GID4: variants seen among roughly 807,000 people sequenced by gnomAD.
GID4 encodes glucose-induced degradation protein 4 homolog.
In GID4, 7 loss-of-function variants were observed where a neutral mutation model predicts 32.4. The observed-to-expected ratio is 0.22, with a 90% CI of 0.12 to 0.41. The LOEUF is 0.41. GID4 is among the 10% of genes least tolerant of loss of function. GID4 has a pLI of 1.00. For missense variants in GID4, 309 were observed against 400.0 expected, an observed-to-expected ratio of 0.77 and a Z score of 1.94; for synonymous variants, 166 against 170.0, an observed-to-expected ratio of 0.98 and a Z score of 0.18.
intron 2 of GID4, among the ~76,000 whole-genome samples, chr17:18,051,876 C>A (rs1046310275): frequency 1.4e-4 from 22 of 151,974 alleles, no homozygotes; most frequent in African/African-American, 4.4e-4. Flanking sequence ...AGATCAAGAC[C>A]GTCCTGGCTA....
intron 1 of GID4, among the ~76,000 whole-genome samples, chr17:18,042,188 A>G (rs1394237879): frequency 6.6e-6 from 1 of 152,156 alleles, no homozygotes; most frequent in Non-Finnish European, 1.5e-5. Flanking sequence ...TTTAGATAGA[A>G]TTCACTTATT....
chr17:18,056,951 C>T (rs1267276471), intron 3 of GID4: 2 of 1,550,512 alleles, frequency 1.3e-6, no homozygotes, highest in African/African-American at 1.4e-5. Flanking sequence ...GAGCTCTGTA[C>T]TGCACCTGGG....
In GID4 at chr17:18,039,436, T is replaced by G; in HGVS notation, c.-29T>G. The stretch of plus-strand genomic sequence containing the variant: ...TGTGTGTCTGTGTGTGTTTGTGTGT[T>G]GTGTGTCTGTGAGTGTCTGTGTGTG... On this transcript the variant is annotated 5_prime_UTR_variant, in exon 1 of 6. Coordinates refer to ENST00000268719, the MANE Select transcript of GID4 (RefSeq NM_024052.5). This position sits in a 1 kb window ranked among gnomAD's most constrained non-coding sequence, Gnocchi z 5.3. 1 of 1,354,066 alleles carries G rather than the reference T, an allele frequency of 7.4e-7. No homozygotes were observed. The highest frequency in any genetic ancestry group is 9.6e-7 in the Non-Finnish European group (1 of 1,037,316). 83.9% of individuals were successfully genotyped at this position (1,354,066 alleles called of 1,614,324 possible).
intron 3 of GID4, among the ~76,000 whole-genome samples, chr17:18,057,998 A>C (rs1328470136): frequency 6.6e-6 from 1 of 151,860 alleles, no homozygotes; most frequent in African/African-American, 2.4e-5. Flanking sequence ...ACACCCAACT[A>C]ATTTTTTCAT....
chr17:18,052,581 A>C (rs1474197323), intron 2 of GID4, among the ~76,000 whole-genome samples: 6 of 152,224 alleles, frequency 3.9e-5, no homozygotes, highest in Admixed American at 1.3e-4. Flanking sequence ...TGCTCCTGGC[A>C]GACACCAGGG....
In GID4 at chr17:18,065,446, C is replaced by T; in HGVS notation, c.*203C>T. ...GCAGGTGGAGGGAGCAGTCTTCGTT[C>T]TTCCTCCCCTCAGTGGCAGTTTGGT... On this transcript the variant is annotated 3_prime_UTR_variant, in exon 6 of 6. Coordinates refer to ENST00000268719, the MANE Select transcript of GID4 (RefSeq NM_024052.5). 1 of 588,822 alleles carries T rather than the reference C, an allele frequency of 1.7e-6. No individual in the cohort carries two copies. Among genetic ancestry groups the T allele is most frequent in the Non-Finnish European group, 3.0e-6 (1 of 328,674 alleles). 36.5% of individuals were successfully genotyped at this position (588,822 alleles called of 1,614,324 possible). A position where few individuals can be genotyped will look rare whatever the true frequency, so the allele number is the denominator to read the frequency against.
At chr17:18,050,655 G>T (rs1273402549) in intron 2 of GID4, among the ~76,000 whole-genome samples, 1 of 152,238 alleles carries the variant, frequency 6.6e-6, no homozygotes, top group Non-Finnish European at 1.5e-5. Context: ...GTATGTTCCA[G>T]AAGTTCCTGT....
intron 3 of GID4, 41 bp from the exon 4 acceptor site, chr17:18,058,827 C>T (rs781437173): frequency 7.9e-7 from 1 of 1,261,608 alleles, no homozygotes; most frequent in East Asian, 2.3e-5. Context: ...GCAGCCTCTC[C>T]TTCTCTCAGT....
rs2045016405 is a variant in GID4 at position 18,061,384 on chromosome 17, G to T, written c.709-461G>T. 2.6e-5 allele frequency among the ~76,000 whole-genome samples: 4 copies of T among 152,162 alleles called. No homozygotes were observed. The highest frequency in any genetic ancestry group is 2.6e-4 in the Admixed American group (4 of 15,270). On this transcript the variant is annotated intron_variant, in intron 4 of 5. Transcript: ENST00000268719. The surrounding 1 kb of genome is among the most constrained non-coding windows in gnomAD (Gnocchi z 4.4). ...CACAGGGGCTACTGGCAACTGCTTT[G>T]CACTCAGAATGGTCCACAGACCTAC...
chr17:18,039,863 G>A lies in GID4; in HGVS notation c.399G>A (p.Lys133=). The A allele has an allele frequency of 6.5e-7, 1 of 1,534,112 alleles. No individual in the cohort carries two copies. ...GCTCCAAGTTCCGCGGCCACCAGAA[G>A]AGCAAGGGGAACTCGTACGACGTAG... ...YSGSKFRGHQ[K]SKGNSYDVEV... The change falls in exon 1 of 6, where the codon AAG becomes AAA. Residue 133 remains lysine, a synonymous_variant. Coordinates refer to ENST00000268719, the MANE Select transcript of GID4 (RefSeq NM_024052.5). The surrounding 1 kb of genome is among the most constrained non-coding windows in gnomAD (Gnocchi z 5.3).
At position 18,039,817 on chromosome 17, in the gene GID4, C is replaced by T; in HGVS notation, c.353C>T (p.Ala118Val). The change falls in exon 1 of 6, where the codon GCC (alanine) becomes GTC (valine). Residue 118 changes from alanine (A) to valine (V), a missense_variant. Physicochemically the swap from Ala to Val is moderately conservative, Grantham distance 64. Around this residue, in one of 2 missense-constraint regions of GID4, gnomAD observed 193 missense variants for 185.8 expected, o/e 1.04. Transcript: ENST00000268719. The surrounding 1 kb of genome is among the most constrained non-coding windows in gnomAD (Gnocchi z 5.3). The stretch of plus-strand genomic sequence containing the variant: ...ATCAACACCCAGCAGCCCGGCGTGG[C>T]CACCAGCCTGCTCTACAGCGGCTCC... ...PPINTQQPGV[A>V]TSLLYSGSKF... 1 of 1,576,390 alleles carries T rather than the reference C, an allele frequency of 6.3e-7. No individual in the cohort carries two copies.
intron 2 of GID4, among the ~76,000 whole-genome samples, chr17:18,053,268 C>T (rs946417339): frequency 6.7e-6 from 1 of 150,258 alleles, no homozygotes; most frequent in African/African-American, 2.4e-5. Context: ...CCACCTCGGC[C>T]TCCCAAAGTG....
At chr17:18,051,083 A>G (rs1291735668) in intron 2 of GID4, among the ~76,000 whole-genome samples, 1 of 152,216 alleles carries the variant, frequency 6.6e-6, no homozygotes, top group Admixed American at 6.5e-5. Context: ...AAGTATGTTT[A>G]CAAAGAAGTC....
At chr17:18,048,161 A>G (rs1177270027) in intron 2 of GID4, among the ~76,000 whole-genome samples, 1 of 148,408 alleles carries the variant, frequency 6.7e-6, no homozygotes, top group African/African-American at 2.5e-5. Flanking sequence ...TCGGCCTCCC[A>G]TAGCGCTGGG....
chr17:18,047,374 G>C (rs2044864600), intron 2 of GID4, among the ~76,000 whole-genome samples: 1 of 152,216 alleles, frequency 6.6e-6, no homozygotes. Context: ...AGTGTGTAAG[G>C]CATTGGAATG....
At chr17:18,060,025 G>A (rs1051066202) in intron 4 of GID4, among the ~76,000 whole-genome samples, 1 of 147,132 alleles carries the variant, frequency 6.8e-6, no homozygotes, top group Non-Finnish European at 1.5e-5. Flanking sequence ...GATGGAAGTT[G>A]CAGTGAGCTG....
At chr17:18,051,164 C>T (rs983588342) in intron 2 of GID4, among the ~76,000 whole-genome samples, 1 of 152,124 alleles carries the variant, frequency 6.6e-6, no homozygotes, top group Non-Finnish European at 1.5e-5. Flanking sequence ...AGGACCTCCT[C>T]CCCACCCCTC....
chr17:18,061,409 C>T lies in GID4; in HGVS notation c.709-436C>T, dbSNP rs2045016877. On this transcript the variant is annotated intron_variant, in intron 4 of 5. Transcript: ENST00000268719. This position sits in a 1 kb window ranked among gnomAD's most constrained non-coding sequence, Gnocchi z 4.4. ...GCACTCAGAATGGTCCACAGACCTA[C>T]AGAAGCGACTCACTGTTCTAGATGT... 6.6e-6 allele frequency among the ~76,000 whole-genome samples: 1 copy of T among 152,206 alleles called. No individual in the cohort carries two copies. The highest frequency in any genetic ancestry group is 2.1e-4 in the South Asian group (1 of 4,834).
intron 3 of GID4, chr17:18,056,632 T>G: frequency 6.8e-7 from 1 of 1,473,152 alleles, no homozygotes; most frequent in Non-Finnish European, 9.2e-7. Context: ...TGACACTCAG[T>G]TTTAGGCTAG....
Sources: allele counts gnomAD v4.1 joint callset (sites outside exome capture counted in the v4.1 genomes callset), GRCh38; gene constraint gnomAD v4.1.1; regional missense constraint gnomAD v4.1.1; non-coding constraint Gnocchi (gnomAD v3.1); transcripts MANE v1.5; gene names NCBI Gene and HGNC (gene_info 2026-07-23, HGNC 2026-07-21).